The following AP1G1 variants were observed in gnomAD, a reference collection of about 807,000 sequenced individuals.
AP1G1 encodes adaptor related protein complex 1 subunit gamma 1.
Under a neutral mutation model 108.3 loss-of-function variants are expected in AP1G1, and 7 were observed. That is an observed-to-expected ratio of 0.06 (90% CI 0.04 to 0.12). The LOEUF is 0.12. AP1G1 is among the 10% of genes least tolerant of loss of function. The probability of loss-of-function intolerance (pLI) is 1.00; values close to 1 mark genes in which losing one functional copy is unlikely to be tolerated. For synonymous variants in AP1G1, 379 were observed against 353.5 expected, an observed-to-expected ratio of 1.07 and a Z score of -0.81; for missense variants, 756 against 1,010.7, an observed-to-expected ratio of 0.75 and a Z score of 3.42.
intron 15 of AP1G1, among the ~76,000 whole-genome samples, chr16:71,748,868 T>C (rs1372355184): frequency 1.3e-5 from 2 of 151,792 alleles, no homozygotes; most frequent in African/African-American, 2.4e-5. Context: ...AATCTCACAA[T>C]GGGGCCAGGC....
chr16:71,808,330 G>T, intron 1 of AP1G1: 1 of 751,794 alleles, frequency 1.3e-6, no homozygotes, highest in Non-Finnish European at 1.8e-6. Flanking sequence ...CTGGGCATTT[G>T]GATATGCTGG....
At chr16:71,782,494 A>T (rs112316417) in intron 2 of AP1G1, among the ~76,000 whole-genome samples, 44 of 136,314 alleles carry the variant, frequency 3.2e-4, no homozygotes, top group Admixed American at 7.5e-4. Flanking sequence ...TATTATTTTT[A>T]TTATTATTTT....
At chr16:71,768,961 C>A (rs2031449326) in intron 6 of AP1G1, among the ~76,000 whole-genome samples, 2 of 62,152 alleles carry the variant, frequency 3.2e-5, no homozygotes, top group African/African-American at 6.6e-5. Context: ...GAAATTCCTG[C>A]CTTTAAAAAA....
chr16:71,801,877 G>A (rs2142283628), intron 1 of AP1G1, among the ~76,000 whole-genome samples: 1 of 147,440 alleles, frequency 6.8e-6, no homozygotes, highest in Non-Finnish European at 1.5e-5. Flanking sequence ...AGCCGAGATT[G>A]CGCCACTGCA....
At chr16:71,753,672 C>T in intron 13 of AP1G1, 161 bp downstream of exon 13, 1 of 692,928 alleles carries the variant, frequency 1.4e-6, no homozygotes, top group Non-Finnish European at 2.6e-6. Flanking sequence ...TATATTCCTC[C>T]ATGCTGCTTT....
At chr16:71,767,958 G>A (rs1169739273) in intron 6 of AP1G1, 82 of 1,477,966 alleles carry the variant, frequency 5.5e-5, no homozygotes, top group Non-Finnish European at 7.5e-5. Context: ...ACAGATACGG[G>A]TCTCATACTA....
chr16:71,766,919 T>C (rs1296918774), intron 6 of AP1G1, among the ~76,000 whole-genome samples: 3 of 152,202 alleles, frequency 2.0e-5, no homozygotes, highest in Non-Finnish European at 4.4e-5. Context: ...ATCTGTAAAT[T>C]CATTAAATCT....
chr16:71,753,920 C>G lies in AP1G1; in HGVS notation c.1230-33G>C, dbSNP rs190817183. On this transcript the variant is annotated intron_variant, in intron 12 of 22. Transcript: ENST00000299980. ...AAACAATGGAAAGGGACACTTGGAA[C>G]CAGTAAAATATACCGTTTTCAGTGA... The G allele has an allele frequency of 2.6e-5, 41 of 1,600,316 alleles. No homozygotes were observed. The East Asian group carries it at 7.1e-4, about 28-fold the overall frequency.
chr16:71,769,663 A>G lies in AP1G1; in HGVS notation c.602T>C (p.Met201Thr). 6.2e-7 allele frequency: 1 copy of G among 1,613,730 alleles called. No individual in the cohort carries two copies. Among genetic ancestry groups the G allele is most frequent in the Non-Finnish European group, 8.5e-7 (1 of 1,179,744 alleles). Reference sequence around the variant, plus strand: ...AAGCATGTCTGGGCTTCGCTCACACATTTCTGTGAGGAGGACTACAGATGT... The same window carrying G: ...AAGCATGTCTGGGCTTCGCTCACACGTTTCTGTGAGGAGGACTACAGATGT... Reference protein sequence around the residue: ...LHTSVVLLTEMCERSPDMLAH... With the variant: ...LHTSVVLLTETCERSPDMLAH... The change falls in exon 6 of 23, where the codon ATG becomes ACG. Residue 201 changes from methionine (M) to threonine (T), a missense_variant. Met to Thr is a moderately conservative substitution (Grantham distance 81). Coordinates refer to ENST00000299980, the MANE Select transcript of AP1G1 (RefSeq NM_001128.6).
intron 1 of AP1G1, chr16:71,807,755 T>A (rs934640469): frequency 3.3e-6 from 4 of 1,228,298 alleles, no homozygotes; most frequent in Non-Finnish European, 4.3e-6. Flanking sequence ...TCCTCCCTTC[T>A]GTTAACTAAT....
At chr16:71,786,729 GTGTACAGGCGT>G (rs2032216611) in intron 2 of AP1G1, among the ~76,000 whole-genome samples, 2 of 152,030 alleles carry the variant, frequency 1.3e-5, no homozygotes, top group African/African-American at 4.8e-5. Context: ...AAAGTTCTGG[GTGTACAGGCGT>G]GAGCCACCGC....
At chr16:71,735,584 C>T (rs1273561495) in intron 21 of AP1G1, among the ~76,000 whole-genome samples, 1 of 151,548 alleles carries the variant, frequency 6.6e-6, no homozygotes. Flanking sequence ...ATCGCTTGAA[C>T]CCAGGAGGTT....
At chr16:71,748,483 G>T in intron 15 of AP1G1, 105 bp from the exon 16 acceptor site, 2 of 1,295,992 alleles carry the variant, frequency 1.5e-6, no homozygotes, top group Middle Eastern at 2.6e-4. Flanking sequence ...CAATCCTACC[G>T]TTACAAAAGC....
chr16:71,742,250 T>C (rs2029908347), intron 19 of AP1G1: 1 of 152,088 alleles, frequency 6.6e-6, no homozygotes, highest in African/African-American at 2.4e-5. Context: ...ACCTCATCTA[T>C]AATACAAATA....
intron 13 of AP1G1, chr16:71,750,617 T>C (rs992320633): frequency 1.7e-4 from 50 of 301,580 alleles, no homozygotes; most frequent in Non-Finnish European, 2.9e-4. Flanking sequence ...GGTTTCACCA[T>C]GTTGGTCAGG....
intron 16 of AP1G1, 22 bp from the exon 17 acceptor site, chr16:71,746,714 AAAT>A: frequency 6.4e-7 from 1 of 1,556,296 alleles, no homozygotes; most frequent in Non-Finnish European, 8.8e-7. Context: ...ATGACAAACG[AAAT>A]AAAATACCCA....
intron 1 of AP1G1, among the ~76,000 whole-genome samples, chr16:71,800,519 G>T (rs934807646): frequency 6.6e-6 from 1 of 150,888 alleles, no homozygotes; most frequent in African/African-American, 2.5e-5. Flanking sequence ...CCCCCGTCTC[G>T]GGTCGGGTGC....
intron 6 of AP1G1, among the ~76,000 whole-genome samples, chr16:71,765,808 T>C (rs1201939841): frequency 6.6e-6 from 1 of 152,222 alleles, no homozygotes; most frequent in Admixed American, 6.5e-5. Context: ...AACCAGACTT[T>C]TTTATGCAAG....
Position 71,730,003 on chromosome 16 carries a change from A to G in AP1G1, c.*3055T>C, listed in dbSNP as rs1202255325. 6.6e-6 allele frequency: 1 copy of G among 152,512 alleles called. No homozygotes were observed. Among genetic ancestry groups the G allele is most frequent in the East Asian group, 1.9e-4 (1 of 5,204 alleles). The allele number at this position is 152,512 out of a possible 1,614,324, so 9.4% of individuals were successfully genotyped here. On this transcript the variant is annotated 3_prime_UTR_variant, in exon 23 of 23. Transcript: ENST00000299980. ...ATGTTATATAAACCATTAGTGTTGG[A>G]CAGTTTTAAAAGTCTATTTTCATAT...
Sources: gnomAD v4.1 joint callset for allele counts (sites outside exome capture counted in the v4.1 genomes callset) on GRCh38, gnomAD v4.1.1 for gene constraint, MANE v1.5 for transcripts, NCBI Gene and HGNC (gene_info 2026-07-23, HGNC 2026-07-21) for gene names.